Variants in DST observed in about 807,000 individuals in gnomAD.
DST encodes the protein bullous pemphigoid antigen.
In DST, 253 loss-of-function variants were observed where a neutral mutation model predicts 875.2. The ratio of observed to expected loss-of-function variants is 0.29; its 90% CI spans 0.26 to 0.32. DST has a LOEUF of 0.32. DST is among the 10% of genes least tolerant of loss of function. DST has a pLI of 1.00. For synonymous variants in DST, 3,124 were observed against 3,197.1 expected (o/e 0.98, Z 0.77); for missense variants, 8,287 against 9,111.6 (o/e 0.91, Z 3.68).
At chr6:56,946,087 A>G (rs530619817) in intron 2 of DST, among the ~76,000 whole-genome samples, 1 of 152,324 alleles carries the variant, frequency 6.6e-6, no homozygotes, top group African/African-American at 2.4e-5. Flanking sequence ...TCTTCTTTTA[A>G]GTAGGCCCAA....
At chr6:56,669,823 T>A (rs186889367) in intron 10 of DST, among the ~76,000 whole-genome samples, 151 of 152,138 alleles carry the variant, frequency 9.9e-4, no homozygotes, top group African/African-American at 3.5e-3. Context: ...AGAAAATGAA[T>A]TAATATATGT....
intron 4 of DST, among the ~76,000 whole-genome samples, chr6:56,819,723 G>GAGCCCTGCTATGTGTC (rs146032168): frequency 0.15 from 22,762 of 151,470 alleles, 1,913 homozygotes; most frequent in Non-Finnish European, 0.18. Flanking sequence ...AACATTTATA[G>GAGCCCTGCTATGTGTC]AGGCACTCTG....
Position 56,573,015 on chromosome 6 carries a change from T to C in DST, c.13286A>G (p.Asn4429Ser). The C allele has an allele frequency of 6.2e-7, 1 of 1,605,018 alleles. No homozygotes were observed. The highest frequency in any genetic ancestry group is 1.7e-4 in the Middle Eastern group (1 of 6,040). Reference protein sequence around the residue: ...AGRQSSINAMNEKVKKFMETT... With the variant: ...AGRQSSINAMSEKVKKFMETT... Reference sequence around the variant, plus strand: ...TTCCATAAATTTCTTCACTTTTTCATTCATGGCATTTATACTGCTCTGACG... The same window carrying C: ...TTCCATAAATTTCTTCACTTTTTCACTCATGGCATTTATACTGCTCTGACG... Residue 4429 changes from asparagine to serine, a missense_variant, in exon 52 of 104, where the codon AAT (asparagine) becomes AGT (serine). Asn to Ser is a conservative substitution (Grantham distance 46). Transcript: ENST00000680361.
chr6:56,709,252 A>G (rs191462406), intron 5 of DST, among the ~76,000 whole-genome samples: 21 of 152,346 alleles, frequency 1.4e-4, no homozygotes, highest in Admixed American at 6.5e-5. Flanking sequence ...AAAATAGACT[A>G]GAAAACACTC....
chr6:56,660,613 C>CAA (rs34162063), intron 10 of DST, among the ~76,000 whole-genome samples: 2 of 89,094 alleles, frequency 2.2e-5, no homozygotes. Context: ...TTGCAATCAC[C>CAA]AAAAAAAAAA....
intron 4 of DST, among the ~76,000 whole-genome samples, chr6:56,836,864 G>GAAAA (rs536022220): frequency 1.1e-4 from 16 of 140,430 alleles, no homozygotes; most frequent in African/African-American, 3.9e-4. Context: ...AAAAAAAAAA[G>GAAAA]AAAGAAAAAA....
chr6:56,475,062 AT>A lies in DST; in HGVS notation c.21865-1061del. ...ATATCAAAATATTCATAAATAGGCTATTCCAAGGGTGGTAAAAACTATTTGG... is the reference window on the plus strand; with the variant it reads ...ATATCAAAATATTCATAAATAGGCTATCCAAGGGTGGTAAAAACTATTTGG... On this transcript the variant is annotated intron_variant, in intron 92 of 103. Transcript: ENST00000680361. Among the ~76,000 whole-genome samples the A allele has an allele frequency of 2.0e-5, 3 of 151,834 alleles. No homozygotes were observed. In the South Asian group the frequency reaches 6.2e-4, roughly 32 times the overall value.
At chr6:56,771,020 A>G (rs569335992) in intron 4 of DST, among the ~76,000 whole-genome samples, 6 of 151,966 alleles carry the variant, frequency 3.9e-5, no homozygotes, top group Admixed American at 3.9e-4. Flanking sequence ...AAAAAGAAAA[A>G]TCCAGCAAGG....
chr6:56,619,671 C>T, intron 36 of DST: 2 of 1,613,844 alleles, frequency 1.2e-6, no homozygotes, highest in Non-Finnish European at 1.7e-6. Context: ...TCTTGCATGG[C>T]TTCTTCAGCT....
intron 3 of DST, among the ~76,000 whole-genome samples, chr6:56,888,270 T>G (rs1785609133): frequency 6.6e-6 from 1 of 152,072 alleles, no homozygotes; most frequent in South Asian, 2.1e-4. Flanking sequence ...TTTTATAAAA[T>G]TCTATTAATT....
chr6:56,520,565 ATC>A (rs751883807), intron 69 of DST, among the ~76,000 whole-genome samples: 1 of 151,642 alleles, frequency 6.6e-6, no homozygotes, highest in Admixed American at 6.6e-5. Flanking sequence ...ATACAATGGG[ATC>A]TCTCTGTATT....
At chr6:56,482,929 C>CA (rs1582731399) in intron 88 of DST, 52 bp from the exon 89 acceptor site, 7 of 1,345,212 alleles carry the variant, frequency 5.2e-6, no homozygotes, top group Non-Finnish European at 7.0e-6. Flanking sequence ...ACCAAAACAG[C>CA]AACACATACT....
Position 56,639,683 on chromosome 6 carries a change from A to T in DST, c.2697+13T>A. On this transcript the variant is annotated intron_variant, in intron 20 of 103. Transcript: ENST00000680361. ...AGATAAGGGAAACAGAAGGTTTAAA[A>T]AAAAAAACTTACCAAGAGTTTTGCA... 1.2e-6 allele frequency: 2 copies of T among 1,613,802 alleles called. No homozygotes were observed. Among genetic ancestry groups the T allele is most frequent in the East Asian group, 4.5e-5 (2 of 44,836 alleles).
chr6:56,937,882 C>T (rs1186172355), intron 2 of DST, among the ~76,000 whole-genome samples: 1 of 152,018 alleles, frequency 6.6e-6, no homozygotes, highest in Non-Finnish European at 1.5e-5. Context: ...CCTTAAGCTA[C>T]ATGAAAGAAG....
At chr6:56,644,988 T>C (rs146186336) in intron 15 of DST, among the ~76,000 whole-genome samples, 317 of 152,124 alleles carry the variant, frequency 2.1e-3, no homozygotes, top group East Asian at 7.5e-3. Context: ...TAAATGGGAG[T>C]TCCCCTGCAC....
intron 2 of DST, among the ~76,000 whole-genome samples, chr6:56,917,599 T>C (rs912840741): frequency 2.0e-5 from 3 of 152,248 alleles, no homozygotes; most frequent in Admixed American, 6.5e-5. Flanking sequence ...CTTGCCCCTC[T>C]TGCAGTTATT....
At chr6:56,585,588 A>G (rs1482624532) in intron 49 of DST, among the ~76,000 whole-genome samples, 6 of 151,758 alleles carry the variant, frequency 4.0e-5, no homozygotes, top group African/African-American at 1.5e-4. Flanking sequence ...TTGTGTCTCT[A>G]TTTCCTTCAG....
At chr6:56,560,600 T>C (rs2097523235) in intron 57 of DST, among the ~76,000 whole-genome samples, 177 bp from the exon 58 acceptor site, 1 of 152,146 alleles carries the variant, frequency 6.6e-6, no homozygotes, top group Non-Finnish European at 1.5e-5. Context: ...TTAGCTAGTG[T>C]TCAATTGTGT....
rs577972555 is a variant in DST, at chr6:56,620,568, G to A, written c.4929+3962C>T. Reference sequence around the variant, plus strand: ...ACCTTCGGAAGTTCTTCCTCTACTCGGGACTTTTGTTTCTTTAGTTCAGCT... The same window carrying A: ...ACCTTCGGAAGTTCTTCCTCTACTCAGGACTTTTGTTTCTTTAGTTCAGCT... On this transcript the variant is annotated intron_variant, in intron 36 of 103. Coordinates refer to ENST00000680361, the MANE Select transcript of DST (RefSeq NM_001374736.1). 46 of 1,613,654 alleles carry A rather than the reference G, an allele frequency of 2.9e-5. No homozygotes were observed. The highest frequency in any genetic ancestry group is 6.7e-5 in the Admixed American group (4 of 59,972).
Sources: gnomAD v4.1 joint callset for allele counts (sites outside exome capture counted in the v4.1 genomes callset) on GRCh38, gnomAD v4.1.1 for gene constraint, MANE v1.5 for transcripts, NCBI Gene and HGNC (gene_info 2026-07-23, HGNC 2026-07-21) for gene names.